The following OTOGL variants were observed in gnomAD, a reference collection of about 807,000 sequenced individuals.
The protein encoded by OTOGL is otogelin like, also known as otogelin-like protein.
OTOGL carries 285 observed loss-of-function variants against 318.5 expected under a neutral mutation model. The ratio of observed to expected loss-of-function variants is 0.89; its 90% CI spans 0.81 to 0.99. The LOEUF (loss-of-function observed/expected upper bound fraction) is 0.99, where lower values mean the gene tolerates loss of function less well. Among genes scored for constraint, OTOGL ranks in the 50% least tolerant of loss-of-function variants. The pLI is 0.00. For missense variants in OTOGL, 2,899 were observed against 2,845.6 expected (o/e 1.02, Z -0.43); for synonymous variants, 987 against 936.5 (o/e 1.05, Z -0.99).
chr12:80,107,649 C>T (rs762718440), intron 1 of OTOGL, among the ~76,000 whole-genome samples: 2 of 152,034 alleles, frequency 1.3e-5, no homozygotes, highest in Non-Finnish European at 2.9e-5. Context: ...CACATGTACA[C>T]ATACGTTCAT....
intron 1 of OTOGL, among the ~76,000 whole-genome samples, chr12:80,201,516 A>G (rs182000538): frequency 2.0e-5 from 3 of 152,302 alleles, no homozygotes; most frequent in Admixed American, 2.0e-4. Context: ...TCTGTTCCCC[A>G]TGACCCAAAC....
intron 26 of OTOGL, among the ~76,000 whole-genome samples, chr12:80,288,098 G>A (rs145313654): frequency 0.013 from 1,933 of 152,186 alleles, 38 homozygotes; most frequent in African/African-American, 0.044. Flanking sequence ...GCCTGGTGGT[G>A]ACAAAATCCC....
chr12:80,198,216 A>G (rs1434656776), intron 1 of OTOGL, among the ~76,000 whole-genome samples: 4 of 152,160 alleles, frequency 2.6e-5, no homozygotes, highest in African/African-American at 9.7e-5. Context: ...CTGTTCAAGA[A>G]TGGTTCTCTT....
At chr12:80,162,108 T>C (rs567416033) in intron 1 of OTOGL, among the ~76,000 whole-genome samples, 1 of 152,256 alleles carries the variant, frequency 6.6e-6, no homozygotes, top group East Asian at 1.9e-4. Flanking sequence ...CTAAAGTGAT[T>C]TTATGGTTTT....
intron 1 of OTOGL, among the ~76,000 whole-genome samples, chr12:80,182,728 T>C (rs1875014138): frequency 6.6e-6 from 1 of 152,190 alleles, no homozygotes; most frequent in Non-Finnish European, 1.5e-5. Flanking sequence ...ATGTGAAATA[T>C]GTGCAATGAT....
intron 1 of OTOGL, among the ~76,000 whole-genome samples, chr12:80,156,838 C>CA (rs1873155195): frequency 6.6e-6 from 1 of 152,068 alleles, no homozygotes; most frequent in African/African-American, 2.4e-5. Context: ...TGAAAATGGA[C>CA]TCATAGAGAC....
intron 1 of OTOGL, among the ~76,000 whole-genome samples, chr12:80,108,821 A>G (rs1869628341): frequency 7.4e-6 from 1 of 135,470 alleles, no homozygotes; most frequent in African/African-American, 2.8e-5. Flanking sequence ...ATGTGTATAT[A>G]TATGTATATA....
At chr12:80,296,730 C>G in intron 26 of OTOGL, 97 bp from the exon 27 acceptor site, 1 of 951,960 alleles carries the variant, frequency 1.1e-6, no homozygotes, top group Non-Finnish European at 1.4e-6. Flanking sequence ...AGTTCTAATG[C>G]AATCCATTGT....
At position 80,181,630 on chromosome 12, in the gene OTOGL, A is replaced by AT. The variant is rs61577097; in HGVS notation, c.-19-27772dup. ...TTTCTACATAACCCTGAGGATCAAG[A>AT]TTTTTTTTTTTGGCTGTAAAGTCAT... On this transcript the variant is annotated intron_variant, in intron 1 of 58. Transcript: ENST00000547103. Among the ~76,000 whole-genome samples the AT allele has an allele frequency of 6.7e-4, 99 of 147,508 alleles. 1 individual carries two copies. The highest frequency in any genetic ancestry group is 1.3e-3 in the African/African-American group (52 of 40,132).
intron 1 of OTOGL, among the ~76,000 whole-genome samples, chr12:80,121,964 C>T (rs1870512888): frequency 2.6e-5 from 4 of 152,112 alleles, no homozygotes; most frequent in Admixed American, 2.6e-4. Context: ...TATTTCAGAA[C>T]ATGATGTTGT....
At chr12:80,277,288 GA>G (rs923283694) in intron 24 of OTOGL, among the ~76,000 whole-genome samples, 22 of 144,876 alleles carry the variant, frequency 1.5e-4, no homozygotes, top group Admixed American at 5.6e-4. Flanking sequence ...AACACTTCTA[GA>G]AAAAAATCTT....
At chr12:80,299,059 T>G (rs771849133) in intron 27 of OTOGL, among the ~76,000 whole-genome samples, 17 of 152,212 alleles carry the variant, frequency 1.1e-4, no homozygotes, top group Non-Finnish European at 2.1e-4. Context: ...CCTACTTCAG[T>G]AATTGGAACG....
intron 1 of OTOGL, among the ~76,000 whole-genome samples, chr12:80,140,552 G>A (rs1235396063): frequency 2.6e-5 from 4 of 152,180 alleles, no homozygotes; most frequent in Non-Finnish European, 5.9e-5. Context: ...TGGAATTAGA[G>A]TAACTGGGTT....
rs560725048 is a variant in OTOGL at position 80,129,085 on chromosome 12, C to T, written c.-20+29480C>T. Among the ~76,000 whole-genome samples the T allele has an allele frequency of 6.6e-3, 1,012 of 152,304 alleles. 15 individuals carry two copies. The highest frequency in any genetic ancestry group is 0.022 in the African/African-American group (898 of 41,568). On this transcript the variant is annotated intron_variant, in intron 1 of 58. Transcript: ENST00000547103. ...CTGACAATCCCCAGTGAGATGAACCCAGTACCTCACTTGGAAATGCAGAAG... is the reference window on the plus strand; with the variant it reads ...CTGACAATCCCCAGTGAGATGAACCTAGTACCTCACTTGGAAATGCAGAAG...
intron 1 of OTOGL, among the ~76,000 whole-genome samples, chr12:80,129,096 T>C (rs943160306): frequency 4.6e-5 from 7 of 152,286 alleles, no homozygotes; most frequent in South Asian, 4.1e-4. Context: ...AGTACCTCAC[T>C]TGGAAATGCA....
intron 1 of OTOGL, among the ~76,000 whole-genome samples, chr12:80,119,521 G>A (rs75935495): frequency 0.03 from 4,640 of 152,248 alleles, 243 homozygotes; most frequent in African/African-American, 0.1. Context: ...GCAGCAGACC[G>A]CAGGGTGCAA....
Position 80,230,202 on chromosome 12 carries a change from C to T in OTOGL, c.611+824C>T, listed in dbSNP as rs12311255. On this transcript the variant is annotated intron_variant, in intron 8 of 58. Coordinates refer to ENST00000547103, the MANE Select transcript of OTOGL (RefSeq NM_001378609.3). ...CTTTCCAGCGCAATGGCTTTATCAACCCGTGTTGCTTTTTCTGGGCTTAGA... is the reference window on the plus strand; with the variant it reads ...CTTTCCAGCGCAATGGCTTTATCAATCCGTGTTGCTTTTTCTGGGCTTAGA... Among the ~76,000 whole-genome samples the T allele has an allele frequency of 4.4e-3, 667 of 152,240 alleles. 6 individuals carry two copies. The highest frequency in any genetic ancestry group is 0.015 in the African/African-American group (642 of 41,530).
In OTOGL at chr12:80,287,168, C is replaced by A. The variant is rs1884695644; in HGVS notation, c.2928+8002C>A. Among the ~76,000 whole-genome samples the A allele has an allele frequency of 2.0e-5, 3 of 151,878 alleles. No individual in the cohort carries two copies. The South Asian group carries it at 6.2e-4, about 31-fold the overall frequency. On this transcript the variant is annotated intron_variant, in intron 26 of 58. Transcript: ENST00000547103. ...TTTAGTTATTTACCTAGTAGTCATT[C>A]AGGAGCACGTTGTTCAGTTTCCATG...
intron 43 of OTOGL, 38 bp downstream of exon 43, chr12:80,339,302 T>TC (rs777855009): frequency 6.9e-6 from 6 of 874,298 alleles, no homozygotes; most frequent in Non-Finnish European, 3.2e-6. Flanking sequence ...TCGTCTGTTT[T>TC]TTTTTTTTTT....
Sources: gnomAD v4.1 joint callset for allele counts (sites outside exome capture counted in the v4.1 genomes callset) on GRCh38, gnomAD v4.1.1 for gene constraint, MANE v1.5 for transcripts, NCBI Gene and HGNC (gene_info 2026-07-23, HGNC 2026-07-21) for gene names.